NAA20: variants seen among roughly 807,000 people sequenced by gnomAD.
The protein encoded by NAA20 is N-alpha-acetyltransferase 20, NatB catalytic subunit, also known as N-alpha-acetyltransferase 20.
Under a neutral mutation model 23.8 loss-of-function variants are expected in NAA20, and 24 were observed. That is an observed-to-expected ratio of 1.01 (90% confidence interval 0.73 to 1.42). The LOEUF is 1.42. Among genes scored for constraint, NAA20 ranks in the 40% most tolerant of loss-of-function variants. The probability of loss-of-function intolerance (pLI) is 0.00; values close to 1 mark genes in which losing one functional copy is unlikely to be tolerated. For synonymous variants in NAA20, 83 were observed against 77.7 expected, an observed-to-expected ratio of 1.07 and a Z score of -0.36; for missense variants, 166 against 223.1, an observed-to-expected ratio of 0.74 and a Z score of 1.63.
intron 2 of NAA20, 101 bp downstream of exon 2, chr20:20,022,581 A>T: frequency 9.6e-7 from 1 of 1,040,408 alleles, no homozygotes; most frequent in Non-Finnish European, 1.4e-6. Flanking sequence ...AAGTTTAAAA[A>T]CTTGTAGGTC....
chr20:20,032,690 G>A (rs766679139), intron 5 of NAA20, 37 bp downstream of exon 5: 17 of 1,533,234 alleles, frequency 1.1e-5, no homozygotes, highest in Non-Finnish European at 1.4e-5. Flanking sequence ...CCAAGAAGTC[G>A]AAACAGTTAC....
At chr20:20,018,173 G>C in intron 1 of NAA20, 1 of 1,349,210 alleles carries the variant, frequency 7.4e-7, no homozygotes, top group Non-Finnish European at 1.1e-6. Flanking sequence ...CTTTGGATTC[G>C]AGTTAAGGCC....
At chr20:20,022,568 G>A in intron 2 of NAA20, 88 bp downstream of exon 2, 1 of 1,228,880 alleles carries the variant, frequency 8.1e-7, no homozygotes, top group Non-Finnish European at 1.1e-6. Flanking sequence ...GAGGAGTACT[G>A]AAAAGTTTAA....
At chr20:20,024,924 G>T (rs1225106973) in intron 2 of NAA20, among the ~76,000 whole-genome samples, 2 of 152,152 alleles carry the variant, frequency 1.3e-5, no homozygotes, top group African/African-American at 4.8e-5. Flanking sequence ...AATTGCATCA[G>T]AAAGTTTATA....
At chr20:20,020,825 A>G (rs1287038422) in intron 1 of NAA20, among the ~76,000 whole-genome samples, 1 of 152,170 alleles carries the variant, frequency 6.6e-6, no homozygotes, top group Admixed American at 6.5e-5. Context: ...CAGGAGTGGG[A>G]AGCTGTTCAA....
intron 1 of NAA20, chr20:20,018,124 A>G: frequency 6.3e-7 from 1 of 1,596,896 alleles, no homozygotes; most frequent in South Asian, 1.1e-5. Flanking sequence ...GGCAGATCTT[A>G]GGGGAGGCTC....
At chr20:20,032,450 AT>A (rs1167016704) in intron 4 of NAA20, 57 bp from the exon 5 acceptor site, 8 of 1,550,688 alleles carry the variant, frequency 5.2e-6, no homozygotes, top group Non-Finnish European at 6.1e-6. Context: ...ATATGTATCT[AT>A]TACTTTCTAG....
At chr20:20,028,586 C>G (rs999375358) in intron 4 of NAA20, among the ~76,000 whole-genome samples, 3 of 152,156 alleles carry the variant, frequency 2.0e-5, no homozygotes, top group Non-Finnish European at 4.4e-5. Context: ...GACCACTAAG[C>G]TCTCTTCCCT....
intron 4 of NAA20, among the ~76,000 whole-genome samples, chr20:20,029,142 A>G (rs1319568774): frequency 6.6e-6 from 1 of 152,214 alleles, no homozygotes; most frequent in Non-Finnish European, 1.5e-5. Context: ...TATTGTTTAC[A>G]GGAAATATGT....
At chr20:20,028,757 T>C (rs1448892795) in intron 4 of NAA20, among the ~76,000 whole-genome samples, 1 of 151,826 alleles carries the variant, frequency 6.6e-6, no homozygotes, top group Non-Finnish European at 1.5e-5. Context: ...ACATTAAAAA[T>C]AGAAACCAAA....
chr20:20,028,499 AAGC>A (rs1225669710), intron 4 of NAA20, among the ~76,000 whole-genome samples: 1 of 152,174 alleles, frequency 6.6e-6, no homozygotes, highest in Non-Finnish European at 1.5e-5. Flanking sequence ...TAATAAAAAA[AAGC>A]AGGTCGTAAC....
chr20:20,026,706 A>T, intron 3 of NAA20, 78 bp from the exon 4 acceptor site: 1 of 1,558,650 alleles, frequency 6.4e-7, no homozygotes, highest in Non-Finnish European at 8.8e-7. Context: ...TGTAATAAAA[A>T]CATACTGAAC....
intron 4 of NAA20, among the ~76,000 whole-genome samples, chr20:20,032,135 G>A (rs1306654656): frequency 6.6e-6 from 1 of 151,866 alleles, no homozygotes; most frequent in Non-Finnish European, 1.5e-5. Flanking sequence ...CTCTTACAAT[G>A]TTAGTCGACT....
chr20:20,022,698 T>A, intron 2 of NAA20: 1 of 461,242 alleles, frequency 2.2e-6, no homozygotes, highest in Non-Finnish European at 3.8e-6. Context: ...TTGGTAGAAA[T>A]CTGTAACATC....
At chr20:20,028,483 T>C (rs969208097) in intron 4 of NAA20, among the ~76,000 whole-genome samples, 1 of 152,034 alleles carries the variant, frequency 6.6e-6, no homozygotes, top group Admixed American at 6.6e-5. Flanking sequence ...ACTTAAAGTA[T>C]AATAATAATA....
At chr20:20,017,564 C>T (rs1568743817) in intron 1 of NAA20, 115 bp downstream of exon 1, 2 of 1,391,106 alleles carry the variant, frequency 1.4e-6, no homozygotes, top group East Asian at 5.6e-5. Context: ...GACGGGGACC[C>T]GCGAGAACCA....
intron 1 of NAA20, among the ~76,000 whole-genome samples, chr20:20,020,833 C>T (rs570264781): frequency 3.0e-4 from 46 of 152,084 alleles, no homozygotes; most frequent in Non-Finnish European, 6.0e-4. Context: ...GGAAGCTGTT[C>T]AAGAGGAGCT....
At chr20:20,017,651 C>T (rs1447426020) in intron 1 of NAA20, 3 of 1,353,914 alleles carry the variant, frequency 2.2e-6, no homozygotes, top group South Asian at 1.6e-5. Flanking sequence ...CGACGCACGC[C>T]GGCCTTGGCG....
At chr20:20,020,627 A>T (rs745735923) in intron 1 of NAA20, among the ~76,000 whole-genome samples, 4 of 152,206 alleles carry the variant, frequency 2.6e-5, no homozygotes, top group Non-Finnish European at 5.9e-5. Flanking sequence ...TGGGCGTCTC[A>T]AGATTAGGTC....
Sources: gnomAD v4.1 joint callset for allele counts (sites outside exome capture counted in the v4.1 genomes callset) on GRCh38, gnomAD v4.1.1 for gene constraint, MANE v1.5 for transcripts, NCBI Gene and HGNC (gene_info 2026-07-23, HGNC 2026-07-21) for gene names.